Variants in KIF13A observed in about 807,000 individuals in gnomAD.
KIF13A encodes the protein kinesin-like protein KIF13A.
In KIF13A, 79 loss-of-function variants were observed where a neutral mutation model predicts 212.2. That is an observed-to-expected ratio of 0.37 (90% CI 0.31 to 0.45). The LOEUF (loss-of-function observed/expected upper bound fraction) is 0.45. KIF13A is among the 20% of genes least tolerant of loss of function. KIF13A has a pLI of 1.00. For synonymous variants in KIF13A, 789 were observed against 808.6 expected (o/e 0.98, Z 0.41); for missense variants, 1,901 against 2,209.0 (o/e 0.86, Z 2.79).
intron 2 of KIF13A, among the ~76,000 whole-genome samples, chr6:17,906,636 G>C (rs1250367634): frequency 6.6e-6 from 1 of 151,746 alleles, no homozygotes; most frequent in African/African-American, 2.4e-5. Context: ...TTTTTGTCAA[G>C]ACAGGGTCTT....
rs1561988766 is a variant in KIF13A, at chr6:17,800,109, G to A, written c.2459C>T (p.Ala820Val). The A allele has an allele frequency of 1.2e-6, 2 of 1,613,112 alleles. No homozygotes were observed. Among genetic ancestry groups the A allele is most frequent in the Admixed American group, 1.7e-5 (1 of 59,920 alleles). Residue 820 changes from alanine to valine, a missense_variant, in exon 21 of 39, where the codon GCA (alanine) becomes GTA (valine). Transcript: ENST00000259711. Reference sequence around the variant, plus strand: ...CATCACTTCCACGTGGAGACGCCCTGCAACCTGGGTCAAGGAACCAGAGCA... The same window carrying A: ...CATCACTTCCACGTGGAGACGCCCTACAACCTGGGTCAAGGAACCAGAGCA... ...VPIISQQGEVAGRLHVEVMRV... is the reference protein window; with the variant it reads ...VPIISQQGEVVGRLHVEVMRV...
At position 17,771,760 on chromosome 6, in the gene KIF13A, T is replaced by C; in HGVS notation, c.4476+148A>G. On this transcript the variant is annotated intron_variant, in intron 37 of 38. Coordinates refer to ENST00000259711, the MANE Select transcript of KIF13A (RefSeq NM_022113.6). The surrounding 1 kb of genome is among the most constrained non-coding windows in gnomAD (Gnocchi z 5.4). ...GAGATTCTACCATGACTCTGCATGC[T>C]TGAGAAAGAGGAATTCGAGAACGGG... 1 of 683,886 alleles carries C rather than the reference T, an allele frequency of 1.5e-6. No individual in the cohort carries two copies. Among genetic ancestry groups the C allele is most frequent in the Non-Finnish European group, 2.5e-6 (1 of 396,948 alleles). 42.4% of individuals were successfully genotyped at this position (683,886 alleles called of 1,614,324 possible).
intron 2 of KIF13A, among the ~76,000 whole-genome samples, chr6:17,905,546 A>G (rs931903765): frequency 1.3e-5 from 2 of 152,242 alleles, no homozygotes; most frequent in Non-Finnish European, 2.9e-5. Context: ...CTTTCAAACA[A>G]GAAACTGATT....
At chr6:17,827,430 T>C (rs138414012) in intron 14 of KIF13A, among the ~76,000 whole-genome samples, 2,578 of 151,974 alleles carry the variant, frequency 0.017, 85 homozygotes, top group African/African-American at 0.058. Context: ...ATGGAAGGCA[T>C]ATAAATAACA....
chr6:17,800,802 T>G (rs965209509), intron 20 of KIF13A, among the ~76,000 whole-genome samples: 1 of 151,994 alleles, frequency 6.6e-6, no homozygotes, highest in Non-Finnish European at 1.5e-5. Context: ...GGTTTCACTG[T>G]GTTGGCCAGG....
chr6:17,821,814 C>T lies in KIF13A; in HGVS notation c.1786+3954G>A, dbSNP rs751661085. 3.1e-5 allele frequency: 47 copies of T among 1,535,130 alleles called. No individual in the cohort carries two copies. In the South Asian group the frequency reaches 3.6e-4, roughly 12 times the overall value. On this transcript the variant is annotated intron_variant, in intron 16 of 38. Coordinates refer to ENST00000259711, the MANE Select transcript of KIF13A (RefSeq NM_022113.6). ...TATCCCAGTGTTTGTGGAGGAGCTT[C>T]GTCTGAAACCACATGAGAGGAAAGA... is the stretch of plus-strand genomic sequence containing the variant.
chr6:17,872,381 A>G lies in KIF13A; in HGVS notation c.220+996T>C, dbSNP rs1213007400. Among the ~76,000 whole-genome samples the G allele has an allele frequency of 3.9e-5, 6 of 152,324 alleles. No individual in the cohort carries two copies. The highest frequency in any genetic ancestry group is 7.2e-5 in the African/African-American group (3 of 41,572). On this transcript the variant is annotated intron_variant, in intron 4 of 38. Transcript: ENST00000259711. This position sits in a 1 kb window ranked among gnomAD's most constrained non-coding sequence, Gnocchi z 4.7. ...GCTGATGCTCTTATAAGTAGAAATA[A>G]GGAGAAAACACTCAGTAGGAAGAAA...
chr6:17,904,405 T>C (rs1266194521), intron 2 of KIF13A, among the ~76,000 whole-genome samples: 1 of 151,982 alleles, frequency 6.6e-6, no homozygotes, highest in African/African-American at 2.4e-5. Context: ...GAAGCGGAGG[T>C]TGCAGTGAGC....
chr6:17,852,084 G>A, intron 6 of KIF13A, 42 bp from the exon 7 acceptor site: 2 of 1,088,386 alleles, frequency 1.8e-6, no homozygotes, highest in African/African-American at 3.3e-5. Context: ...TCACACCAAA[G>A]CTGGAAGCTT....
At position 17,771,927 on chromosome 6, in the gene KIF13A, C is replaced by T; in HGVS notation, c.4457G>A (p.Arg1486Lys). 1 of 1,613,966 alleles carries T rather than the reference C, an allele frequency of 6.2e-7. No individual in the cohort carries two copies. The highest frequency in any genetic ancestry group is 8.5e-7 in the Non-Finnish European group (1 of 1,179,868). The change falls in exon 37 of 39, where the codon AGG becomes AAG. Residue 1486 changes from arginine to lysine, a missense_variant. Arg to Lys is a conservative substitution (Grantham distance 26, BLOSUM62 2). Coordinates refer to ENST00000259711, the MANE Select transcript of KIF13A (RefSeq NM_022113.6). The surrounding 1 kb of genome is among the most constrained non-coding windows in gnomAD (Gnocchi z 5.4). ...ATTTACCTCCTGGCTTAGAAGAGGC[C>T]TTGCTTCCAGGGCTATCCTTTTCTT... ...EHKKRIALEA[R>K]PLLSQESMPP...
intron 2 of KIF13A, among the ~76,000 whole-genome samples, chr6:17,954,303 C>CAAA (rs71002291): frequency 6.5e-5 from 7 of 107,212 alleles, no homozygotes; most frequent in Admixed American, 2.0e-4. Flanking sequence ...GACTCCATCT[C>CAAA]AAAAAAAAAA....
At position 17,856,255 on chromosome 6, in the gene KIF13A, C is replaced by T. The variant is rs1171454201; in HGVS notation, c.221-133G>A. The T allele has an allele frequency of 4.7e-6, 3 of 631,746 alleles. No individual in the cohort carries two copies. The highest frequency in any genetic ancestry group is 8.3e-6 in the Non-Finnish European group (3 of 359,470). 39.1% of individuals were successfully genotyped at this position (631,746 alleles called of 1,614,324 possible). ...TACCGAGTGCCCACTAAGTACAGGG[C>T]TGTGTATTAAGAGCTTGATATATGC... On this transcript the variant is annotated intron_variant, in intron 4 of 38. Transcript: ENST00000259711. This position sits in a 1 kb window ranked among gnomAD's most constrained non-coding sequence, Gnocchi z 4.5.
rs548665874 is a variant in KIF13A, at chr6:17,924,480, A to G, written c.147-26300T>C. ...AAGCTTCTCTTTGAATTAATCAATA[A>G]AAGTGCTTCTATAAGTAAACTGCAG... On this transcript the variant is annotated intron_variant, in intron 2 of 38. Coordinates refer to ENST00000259711, the MANE Select transcript of KIF13A (RefSeq NM_022113.6). 2.6e-5 allele frequency among the ~76,000 whole-genome samples: 4 copies of G among 152,344 alleles called. No individual in the cohort carries two copies. In the South Asian group the frequency reaches 8.3e-4, roughly 32 times the overall value.
intron 2 of KIF13A, among the ~76,000 whole-genome samples, chr6:17,923,430 A>G (rs1392520321): frequency 6.6e-6 from 1 of 152,084 alleles, no homozygotes; most frequent in African/African-American, 2.4e-5. Flanking sequence ...AAGGTCAAGA[A>G]TGCCCCCGGA....
chr6:17,842,670 T>G (rs1766635102), intron 9 of KIF13A, among the ~76,000 whole-genome samples: 2 of 152,234 alleles, frequency 1.3e-5, no homozygotes, highest in South Asian at 4.2e-4. Context: ...AAGTAAGTCT[T>G]AAGCTAGGAG....
chr6:17,938,592 C>T (rs2150550446), intron 2 of KIF13A, among the ~76,000 whole-genome samples: 1 of 152,220 alleles, frequency 6.6e-6, no homozygotes, highest in South Asian at 2.1e-4. Flanking sequence ...CTAAAACAAA[C>T]TTCTTATAAA....
At chr6:17,938,254 A>G (rs1776652519) in intron 2 of KIF13A, among the ~76,000 whole-genome samples, 3 of 152,174 alleles carry the variant, frequency 2.0e-5, no homozygotes, top group Non-Finnish European at 2.9e-5. Flanking sequence ...TTACAACCCA[A>G]TTAGAAAGCA....
chr6:17,796,843 A>G (rs7773667), intron 22 of KIF13A, 23 bp from the exon 23 acceptor site: 2 of 1,448,526 alleles, frequency 1.4e-6, no homozygotes, highest in African/African-American at 1.5e-5. Context: ...GGGGAAAGCA[A>G]AAGAATTATG....
chr6:17,941,302 G>T (rs541908350), intron 2 of KIF13A, among the ~76,000 whole-genome samples: 1 of 152,214 alleles, frequency 6.6e-6, no homozygotes, highest in African/African-American at 2.4e-5. Flanking sequence ...GTAAAGTCAA[G>T]GTTTTTCAAA....
Sources: gnomAD v4.1 joint callset for allele counts (sites outside exome capture counted in the v4.1 genomes callset) on GRCh38, gnomAD v4.1.1 for gene constraint, Gnocchi (gnomAD v3.1) non-coding constraint, MANE v1.5 for transcripts, NCBI Gene and HGNC (gene_info 2026-07-23, HGNC 2026-07-21) for gene names.